The following RUNX2 variants were observed in gnomAD, a reference collection of about 807,000 sequenced individuals.
RUNX2 encodes the protein RUNX family transcription factor 2.
In RUNX2, 10 loss-of-function variants were observed where a neutral mutation model predicts 51.7. The ratio of observed to expected loss-of-function variants is 0.19; its 90% CI spans 0.12 to 0.33. RUNX2 has a LOEUF of 0.33. Ranked by LOEUF, RUNX2 falls within the 10% of genes least tolerant of loss-of-function variation. The pLI is 1.00. For missense variants in RUNX2, 562 were observed against 691.3 expected, an observed-to-expected ratio of 0.81 and a Z score of 2.10; for synonymous variants, 276 against 273.6, an observed-to-expected ratio of 1.01 and a Z score of -0.09.
Position 45,422,678 on chromosome 6 carries a change from G to T in RUNX2, c.144G>T (p.Ala48=), listed in dbSNP as rs756706964. The change falls in exon 3 of 9, where the codon GCG becomes GCT. Residue 48 remains alanine (A), a synonymous_variant. Coordinates refer to ENST00000647337, the MANE Select transcript of RUNX2 (RefSeq NM_001024630.4). The part of the protein sequence containing the change: ...KMSDVSPVVA[A]QQQQQQQQQQ... Reference sequence around the variant, plus strand: ...GCGACGTGAGCCCGGTGGTGGCTGCGCAACAGCAGCAGCAACAGCAGCAGC... The same window carrying T: ...GCGACGTGAGCCCGGTGGTGGCTGCTCAACAGCAGCAGCAACAGCAGCAGC... The T allele has an allele frequency of 1.9e-6, 3 of 1,605,414 alleles. No homozygotes were observed. Among genetic ancestry groups the T allele is most frequent in the South Asian group, 2.2e-5 (2 of 89,754 alleles).
intron 2 of RUNX2, among the ~76,000 whole-genome samples, chr6:45,420,759 C>G (rs553636673): frequency 1.3e-5 from 2 of 152,324 alleles, no homozygotes; most frequent in African/African-American, 4.8e-5. Context: ...GTAATAGCCT[C>G]AAGCGGATTT....
intron 7 of RUNX2, among the ~76,000 whole-genome samples, chr6:45,543,079 T>C (rs1259352713): frequency 6.6e-6 from 1 of 152,220 alleles, no homozygotes. Flanking sequence ...CATTTTTTAT[T>C]TATCTAAAAA....
At chr6:45,419,035 A>C (rs1343807110) in intron 2 of RUNX2, among the ~76,000 whole-genome samples, 1 of 152,260 alleles carries the variant, frequency 6.6e-6, no homozygotes, top group East Asian at 1.9e-4. Flanking sequence ...ATAGTTTGCT[A>C]TCCACCAAAT....
intron 7 of RUNX2, among the ~76,000 whole-genome samples, chr6:45,522,759 G>C (rs1801546868): frequency 6.6e-6 from 1 of 152,188 alleles, no homozygotes; most frequent in Admixed American, 6.5e-5. Flanking sequence ...AATGTCGTGG[G>C]AAGTACTAGC....
chr6:45,433,929 G>T (rs1273562065), intron 4 of RUNX2, among the ~76,000 whole-genome samples: 1 of 152,180 alleles, frequency 6.6e-6, no homozygotes, highest in Admixed American at 6.5e-5. Flanking sequence ...GAAGAAAGTA[G>T]GATTTTTCCT....
chr6:45,497,808 G>A (rs1032431681), intron 6 of RUNX2, among the ~76,000 whole-genome samples: 7 of 152,100 alleles, frequency 4.6e-5, no homozygotes, highest in African/African-American at 9.7e-5. Context: ...TGCTTACTAC[G>A]TGACTTTTGG....
chr6:45,550,430 G>A lies in RUNX2; in HGVS notation c.*3125G>A, dbSNP rs975339656. 2.6e-4 allele frequency: 39 copies of A among 152,354 alleles called. No individual in the cohort carries two copies. The highest frequency in any genetic ancestry group is 8.9e-4 in the African/African-American group (37 of 41,576). The allele number at this position is 152,354 out of a possible 1,614,324, so 9.4% of individuals were successfully genotyped here. The stretch of plus-strand genomic sequence containing the variant: ...TCTGTGATAAATTCAGAAGGGAGGA[G>A]ATGTGTGTACAGCTTTAAGGATTCC... On this transcript the variant is annotated 3_prime_UTR_variant, in exon 9 of 9. Transcript: ENST00000647337.
intron 2 of RUNX2, among the ~76,000 whole-genome samples, chr6:45,382,063 GGAATACCAGAGTTTCAAAGAGCCTT>G (rs1797250672): frequency 2.6e-5 from 4 of 152,252 alleles, no homozygotes; most frequent in Admixed American, 2.6e-4. Context: ...AGGGAACCAT[GGAATACCAGAGTTTCAAAGAGCCTT>G]TGAGCTCTTC....
intron 2 of RUNX2, among the ~76,000 whole-genome samples, chr6:45,413,696 T>C (rs1798003280): frequency 6.6e-6 from 1 of 152,184 alleles, no homozygotes; most frequent in Non-Finnish European, 1.5e-5. Context: ...CCCAAAGTAC[T>C]GGGATTACAG....
At chr6:45,543,604 G>C (rs1431066089) in intron 7 of RUNX2, among the ~76,000 whole-genome samples, 1 of 152,126 alleles carries the variant, frequency 6.6e-6, no homozygotes, top group Non-Finnish European at 1.5e-5. Context: ...TCATAATATG[G>C]ACTCTTAATA....
intron 5 of RUNX2, among the ~76,000 whole-genome samples, chr6:45,476,587 C>T (rs1272175308): frequency 6.6e-6 from 1 of 152,128 alleles, no homozygotes; most frequent in African/African-American, 2.4e-5. Flanking sequence ...GTTGGGAGGG[C>T]TTTTAGACTG....
At chr6:45,464,854 G>A (rs1208142462) in intron 5 of RUNX2, among the ~76,000 whole-genome samples, 2 of 152,178 alleles carry the variant, frequency 1.3e-5, no homozygotes, top group Admixed American at 6.5e-5. Context: ...CCTCTGGTGG[G>A]TGTGAATCAC....
intron 2 of RUNX2, among the ~76,000 whole-genome samples, chr6:45,404,086 C>T (rs1176717965): frequency 6.6e-6 from 1 of 151,528 alleles, no homozygotes; most frequent in Admixed American, 6.6e-5. Context: ...ATGGTGAAAC[C>T]GTACCTCTAC....
intron 2 of RUNX2, among the ~76,000 whole-genome samples, chr6:45,385,627 T>A (rs528635661): frequency 1.7e-4 from 26 of 152,288 alleles, no homozygotes; most frequent in Non-Finnish European, 2.8e-4. Flanking sequence ...AGGCCAGGTG[T>A]GGTGGCTCAA....
chr6:45,532,280 A>C (rs761218278), intron 7 of RUNX2, among the ~76,000 whole-genome samples: 3 of 144,430 alleles, frequency 2.1e-5, no homozygotes, highest in African/African-American at 7.7e-5. Context: ...CAGTATTTCT[A>C]GTAGAATTTT....
chr6:45,532,381 C>T (rs528708823), intron 7 of RUNX2, among the ~76,000 whole-genome samples: 16 of 151,862 alleles, frequency 1.1e-4, no homozygotes, highest in Non-Finnish European at 2.2e-4. Context: ...ATTTCATCCC[C>T]GCCCCTCTTT....
At chr6:45,389,359 A>G (rs1212177026) in intron 2 of RUNX2, among the ~76,000 whole-genome samples, 1 of 152,224 alleles carries the variant, frequency 6.6e-6, no homozygotes, top group South Asian at 2.1e-4. Flanking sequence ...GAAATCCTGA[A>G]CAATGAAACA....
rs1335035791 is a variant in RUNX2, at chr6:45,400,762, G to A, written c.59-21831G>A. On this transcript the variant is annotated intron_variant, in intron 2 of 8. Coordinates refer to ENST00000647337, the MANE Select transcript of RUNX2 (RefSeq NM_001024630.4). ...CCATCTTCACAAAGACTCTCTGTGT[G>A]GTGAGCTTTACCGAAGGTAAAGAGA... Among the ~76,000 whole-genome samples the A allele has an allele frequency of 2.6e-5, 4 of 152,124 alleles. No individual in the cohort carries two copies. In the East Asian group the frequency reaches 7.7e-4, roughly 29 times the overall value.
At chr6:45,483,610 G>C (rs1800176810) in intron 5 of RUNX2, among the ~76,000 whole-genome samples, 1 of 152,130 alleles carries the variant, frequency 6.6e-6, no homozygotes, top group South Asian at 2.1e-4. Flanking sequence ...ATGCTTACTG[G>C]ATGCCTACTG....
Sources: allele counts gnomAD v4.1 joint callset (sites outside exome capture counted in the v4.1 genomes callset), GRCh38; gene constraint gnomAD v4.1.1; transcripts MANE v1.5; gene names NCBI Gene and HGNC (gene_info 2026-07-23, HGNC 2026-07-21).